The following DLG2 variants were observed in gnomAD, a reference collection of about 807,000 sequenced individuals.
DLG2 encodes discs large MAGUK scaffold protein 2, also known as disks large homolog 2.
Under a neutral mutation model 132.5 loss-of-function variants are expected in DLG2, and 45 were observed. That is an observed-to-expected ratio of 0.34 (90% CI 0.27 to 0.44). The LOEUF (loss-of-function observed/expected upper bound fraction) is 0.44. Among genes scored for constraint, DLG2 ranks in the 20% least tolerant of loss-of-function variants. The pLI is 1.00. For missense variants in DLG2, 1,045 were observed against 1,196.9 expected (o/e 0.87, Z 1.87); for synonymous variants, 424 against 419.6 (o/e 1.01, Z -0.13).
intron 18 of DLG2, among the ~76,000 whole-genome samples, chr11:83,769,006 C>T (rs1203554229): frequency 6.6e-6 from 1 of 152,216 alleles, no homozygotes; most frequent in Non-Finnish European, 1.5e-5. Context: ...GTTTACAGTG[C>T]TTTGTGAGAA....
intron 4 of DLG2, among the ~76,000 whole-genome samples, chr11:85,205,146 G>GTATATATATATATATA (rs376041155): frequency 8.8e-4 from 124 of 141,640 alleles, no homozygotes; most frequent in Admixed American, 2.0e-3. Flanking sequence ...ATATGTGTGT[G>GTATATATATATATATA]TATATATATA....
At chr11:84,615,841 C>A (rs11826765) in intron 6 of DLG2, among the ~76,000 whole-genome samples, 12,242 of 65,234 alleles carry the variant, frequency 0.19, 1,158 homozygotes, top group African/African-American at 0.4. Context: ...AAAAAAAAAA[C>A]TTCATTCCAG....
chr11:85,045,816 T>C (rs987815675), intron 6 of DLG2, among the ~76,000 whole-genome samples: 3 of 152,096 alleles, frequency 2.0e-5, no homozygotes, highest in African/African-American at 7.2e-5. Flanking sequence ...TCAACTATTC[T>C]AGAAGGCAAG....
chr11:85,093,149 A>G (rs911454761), intron 6 of DLG2, among the ~76,000 whole-genome samples: 7 of 152,166 alleles, frequency 4.6e-5, no homozygotes, highest in African/African-American at 1.7e-4. Context: ...TTACACTAGA[A>G]GAACTTCTAT....
intron 8 of DLG2, among the ~76,000 whole-genome samples, chr11:84,222,498 T>A (rs1268119160): frequency 6.6e-6 from 1 of 152,258 alleles, no homozygotes; most frequent in East Asian, 1.9e-4. Flanking sequence ...CTATAAAATG[T>A]CGATTTTCTC....
intron 7 of DLG2, among the ~76,000 whole-genome samples, chr11:84,414,384 A>G (rs1018188497): frequency 4.6e-5 from 7 of 152,092 alleles, no homozygotes; most frequent in Non-Finnish European, 1.0e-4. Context: ...TGAACTTTCT[A>G]TTTTTACTAT....
intron 9 of DLG2, among the ~76,000 whole-genome samples, chr11:84,131,498 A>C (rs1337002460): frequency 6.6e-6 from 1 of 151,848 alleles, no homozygotes; most frequent in African/African-American, 2.4e-5. Flanking sequence ...TGTTTCTTTC[A>C]CCCTATAGAA....
At chr11:84,505,578 T>C (rs902778921) in intron 7 of DLG2, among the ~76,000 whole-genome samples, 2 of 152,164 alleles carry the variant, frequency 1.3e-5, no homozygotes, top group Non-Finnish European at 2.9e-5. Flanking sequence ...GGTTCCTAAT[T>C]TGCAAAATAA....
intron 4 of DLG2, among the ~76,000 whole-genome samples, chr11:85,244,093 T>C (rs2076022210): frequency 6.6e-6 from 1 of 152,044 alleles, no homozygotes; most frequent in African/African-American, 2.4e-5. Context: ...TTCTCAAGTG[T>C]CATCCAGCTT....
intron 10 of DLG2, among the ~76,000 whole-genome samples, chr11:84,079,752 A>G (rs1368333878): frequency 1.3e-5 from 2 of 152,170 alleles, no homozygotes; most frequent in Non-Finnish European, 2.9e-5. Flanking sequence ...TACTTACTAT[A>G]GCACCCAAGG....
chr11:84,787,412 A>C (rs1215582077), intron 6 of DLG2, among the ~76,000 whole-genome samples: 1 of 152,150 alleles, frequency 6.6e-6, no homozygotes, highest in Non-Finnish European at 1.5e-5. Context: ...TATGCACAGA[A>C]GGCCTTTCCT....
At chr11:84,292,811 A>AG (rs1253713748) in intron 7 of DLG2, among the ~76,000 whole-genome samples, 1 of 152,162 alleles carries the variant, frequency 6.6e-6, no homozygotes, top group Non-Finnish European at 1.5e-5. Flanking sequence ...ATGTAAAGGC[A>AG]GGGGGGTCCA....
Position 83,743,442 on chromosome 11 carries a change from T to TC in DLG2, c.1825+43247_1825+43248insG, listed in dbSNP as rs1205168278. ...AGTGGGCAGGCCATTTTTTTTTTTT[T>TC]TTTTTTTATGACAGGGTCTCACTTT... On this transcript the variant is annotated intron_variant, in intron 18 of 27. Transcript: ENST00000376104. Among the ~76,000 whole-genome samples, 1,277 of 142,352 alleles carry TC rather than the reference T, an allele frequency of 9.0e-3. 131 individuals are homozygous for TC. Among genetic ancestry groups the TC allele is most frequent in the African/African-American group, 0.036 (1,236 of 33,982 alleles). 93.4% of individuals were successfully genotyped at this position (142,352 alleles called of 152,430 possible).
Position 85,226,161 on chromosome 11 carries a change from TAAA to T in DLG2, c.186+59056_186+59058del, listed in dbSNP as rs1391953025. ...AATATATGTGTTATAATTTTTATAATAAAAATAATATAATTGCATATTCTAATA... is the reference window on the plus strand; with the variant it reads ...AATATATGTGTTATAATTTTTATAATAATAATATAATTGCATATTCTAATA... On this transcript the variant is annotated intron_variant, in intron 4 of 27. Transcript: ENST00000376104. Among the ~76,000 whole-genome samples the T allele has an allele frequency of 7.4e-5, 11 of 148,318 alleles. No homozygotes were observed. In the East Asian group the frequency reaches 2.2e-3, roughly 30 times the overall value.
At chr11:85,213,095 C>A (rs892981902) in intron 4 of DLG2, among the ~76,000 whole-genome samples, 97 of 152,010 alleles carry the variant, frequency 6.4e-4, no homozygotes, top group African/African-American at 2.2e-3. Context: ...AGAAAAAAAA[C>A]CATATAGATA....
intron 12 of DLG2, 21 bp downstream of exon 12, chr11:83,980,485 T>G: frequency 6.2e-7 from 1 of 1,604,326 alleles, no homozygotes; most frequent in Non-Finnish European, 8.5e-7. Flanking sequence ...ATACACACAG[T>G]TTTGCTGGAG....
At chr11:85,067,651 A>G (rs2065130213) in intron 6 of DLG2, among the ~76,000 whole-genome samples, 1 of 151,926 alleles carries the variant, frequency 6.6e-6, no homozygotes, top group East Asian at 1.9e-4. Context: ...TTAATAGCCG[A>G]CCAATCAAAA....
chr11:85,328,665 A>C (rs2081535664), intron 3 of DLG2, among the ~76,000 whole-genome samples: 2 of 149,952 alleles, frequency 1.3e-5, no homozygotes, highest in African/African-American at 5.0e-5. Flanking sequence ...CACAGCCAAT[A>C]TCATACTGAA....
intron 14 of DLG2, among the ~76,000 whole-genome samples, chr11:83,934,592 G>C (rs979242265): frequency 1.6e-4 from 25 of 151,742 alleles, no homozygotes; most frequent in African/African-American, 5.8e-4. Context: ...GAACCTACAA[G>C]GTCAAAGGAA....
Sources: gnomAD v4.1 joint callset for allele counts (sites outside exome capture counted in the v4.1 genomes callset) on GRCh38, gnomAD v4.1.1 for gene constraint, MANE v1.5 for transcripts, NCBI Gene and HGNC (gene_info 2026-07-23, HGNC 2026-07-21) for gene names.